RYR3: variants seen among roughly 807,000 people sequenced by gnomAD.
RYR3 encodes the protein brain ryanodine receptor-calcium release channel.
Under a neutral mutation model 584.3 loss-of-function variants are expected in RYR3, and 207 were observed. That is an observed-to-expected ratio of 0.35 (90% CI 0.32 to 0.40). The LOEUF is 0.40. Ranked by LOEUF, RYR3 falls within the 10% of genes least tolerant of loss-of-function variation. The pLI is 1.00. For missense variants in RYR3, 5,616 were observed against 6,089.2 expected, an observed-to-expected ratio of 0.92 and a Z score of 2.59; for synonymous variants, 2,416 against 2,248.5, an observed-to-expected ratio of 1.07 and a Z score of -2.11.
chr15:33,847,201 A>C (rs1418844202), intron 93 of RYR3: 3 of 152,248 alleles, frequency 2.0e-5, no homozygotes, highest in Non-Finnish European at 2.9e-5. Context: ...CACAGTGTGC[A>C]GTGGCTACTA....
intron 32 of RYR3, among the ~76,000 whole-genome samples, chr15:33,658,723 G>A (rs1238171358): frequency 6.6e-6 from 1 of 152,200 alleles, no homozygotes; most frequent in African/African-American, 2.4e-5. Flanking sequence ...AAACACTTTA[G>A]TAATATGGAA....
intron 1 of RYR3, among the ~76,000 whole-genome samples, chr15:33,435,690 T>C (rs887903803): frequency 2.0e-5 from 3 of 152,180 alleles, no homozygotes; most frequent in Admixed American, 1.3e-4. Flanking sequence ...AAAGGTGGCA[T>C]GTCCGGAGTT....
intron 1 of RYR3, among the ~76,000 whole-genome samples, chr15:33,355,182 CAAA>C (rs56127912): frequency 1.3e-4 from 17 of 126,090 alleles, no homozygotes; most frequent in African/African-American, 4.7e-4. Flanking sequence ...GAAACTCCCT[CAAA>C]AAAAAAAAAA....
chr15:33,402,369 T>A (rs771416259), intron 1 of RYR3, among the ~76,000 whole-genome samples: 1 of 152,156 alleles, frequency 6.6e-6, no homozygotes, highest in Non-Finnish European at 1.5e-5. Flanking sequence ...GGCAATGGAA[T>A]TTGAGTCTCC....
In RYR3 at chr15:33,857,861, A is replaced by G. The variant is rs1489116400; in HGVS notation, c.14089A>G (p.Asn4697Asp). 1.2e-6 allele frequency: 2 copies of G among 1,614,232 alleles called. No homozygotes were observed. Among genetic ancestry groups the G allele is most frequent in the Non-Finnish European group, 1.7e-6 (2 of 1,180,046 alleles). ...VAFNFFRKFYNKSEDDDEPDM... is the reference protein window; with the variant it reads ...VAFNFFRKFYDKSEDDDEPDM... Reference sequence around the variant, plus strand: ...TTTCAACTTCTTCCGCAAGTTCTACAACAAAAGCGAAGACGATGACGAGCC... The same window carrying G: ...TTTCAACTTCTTCCGCAAGTTCTACGACAAAAGCGAAGACGATGACGAGCC... Residue 4697 changes from asparagine to aspartate, a missense_variant, in exon 99 of 104, where the codon AAC becomes GAC. Transcript: ENST00000634891.
At chr15:33,435,555 T>C (rs2045623610) in intron 1 of RYR3, among the ~76,000 whole-genome samples, 2 of 152,212 alleles carry the variant, frequency 1.3e-5, no homozygotes, top group Non-Finnish European at 2.9e-5. Context: ...ACAAATGAAA[T>C]TGATGGGTCA....
chr15:33,569,638 G>A (rs2057912607), intron 12 of RYR3, among the ~76,000 whole-genome samples: 1 of 152,048 alleles, frequency 6.6e-6, no homozygotes, highest in Admixed American at 6.6e-5. Flanking sequence ...TTATTCAATT[G>A]GGTATGTTTC....
Position 33,603,514 on chromosome 15 carries a change from T to A in RYR3, c.2164+150T>A, listed in dbSNP as rs1273883185. The A allele has an allele frequency of 6.8e-6, 6 of 882,234 alleles. No individual in the cohort carries two copies. The East Asian group carries it at 1.2e-4, about 18-fold the overall frequency. 54.7% of individuals were successfully genotyped at this position (882,234 alleles called of 1,614,324 possible). ...CGGTTAGGTGGAAAAGAGTATCAGA[T>A]TAAAATAAGACTCATTTATACCATT... On this transcript the variant is annotated intron_variant, in intron 18 of 103. Transcript: ENST00000634891.
intron 86 of RYR3, among the ~76,000 whole-genome samples, chr15:33,833,002 CAAAA>C (rs66477732): frequency 8.0e-5 from 9 of 112,630 alleles, no homozygotes; most frequent in African/African-American, 1.3e-4. Flanking sequence ...AACTCTGTCT[CAAAA>C]AAAAAAAAAA....
chr15:33,762,961 C>T (rs939161724), intron 60 of RYR3, among the ~76,000 whole-genome samples: 1 of 152,170 alleles, frequency 6.6e-6, no homozygotes, highest in Non-Finnish European at 1.5e-5. Context: ...AGAAATAACA[C>T]CACACATCTA....
At chr15:33,443,258 CA>C (rs5811759) in intron 1 of RYR3, among the ~76,000 whole-genome samples, 88,618 of 137,080 alleles carry the variant, frequency 0.65, 27,206 homozygotes, top group African/African-American at 0.78. Flanking sequence ...GACTCCACCT[CA>C]AAAAAAAAAA....
chr15:33,346,090 A>G (rs1445717195), intron 1 of RYR3, among the ~76,000 whole-genome samples: 1 of 152,154 alleles, frequency 6.6e-6, no homozygotes, highest in Non-Finnish European at 1.5e-5. Context: ...ATTTTTTCCT[A>G]TTTTTAAAAC....
chr15:33,825,696 G>GA lies in RYR3; in HGVS notation c.11146+22dup, dbSNP rs747982619. The GA allele has an allele frequency of 8.8e-7, 1 of 1,131,150 alleles. No individual in the cohort carries two copies. The highest frequency in any genetic ancestry group is 1.3e-5 in the South Asian group (1 of 77,990). The allele number at this position is 1,131,150 out of a possible 1,614,324, so 70.1% of individuals were successfully genotyped here. ...GAACACGTAAGTAACTAATGAATGT[G>GA]AAGGCCATTCTCTTCCTGATTAAAA... On this transcript the variant is annotated intron_variant, in intron 82 of 103. Coordinates refer to ENST00000634891, the MANE Select transcript of RYR3 (RefSeq NM_001036.6).
intron 68 of RYR3, 60 bp downstream of exon 68, chr15:33,800,917 ACTGTTGATG>A: frequency 8.2e-7 from 1 of 1,223,078 alleles, no homozygotes; most frequent in Admixed American, 1.7e-5. Flanking sequence ...ACCGTGGAAA[ACTGTTGATG>A]AAAAAAAGCC....
intron 87 of RYR3, among the ~76,000 whole-genome samples, chr15:33,835,598 C>A (rs1292221307): frequency 6.6e-6 from 1 of 152,156 alleles, no homozygotes; most frequent in African/African-American, 2.4e-5. Context: ...CAGTTTATTG[C>A]CTCTCTCCAT....
chr15:33,651,828 C>T (rs920220233), intron 31 of RYR3, among the ~76,000 whole-genome samples: 1 of 152,130 alleles, frequency 6.6e-6, no homozygotes, highest in African/African-American at 2.4e-5. Flanking sequence ...CATGTCATGT[C>T]ACTTCAAGGG....
chr15:33,810,313 C>T (rs16958081), intron 70 of RYR3, among the ~76,000 whole-genome samples, 166 bp from the exon 71 acceptor site: 10,090 of 152,238 alleles, frequency 0.066, 699 homozygotes, highest in East Asian at 0.21. Flanking sequence ...TTGATGGCTA[C>T]CTAATTCGTC....
At chr15:33,643,953 C>G (rs1312127126) in intron 27 of RYR3, among the ~76,000 whole-genome samples, 1 of 152,084 alleles carries the variant, frequency 6.6e-6, no homozygotes, top group Non-Finnish European at 1.5e-5. Flanking sequence ...TTTCCCAGGG[C>G]CTGAGATCAA....
At chr15:33,489,539 C>T (rs1289137840) in intron 2 of RYR3, among the ~76,000 whole-genome samples, 5 of 152,192 alleles carry the variant, frequency 3.3e-5, no homozygotes, top group Non-Finnish European at 5.9e-5. Context: ...GACGTAACAT[C>T]GCTCTTTTTT....
Sources: allele counts gnomAD v4.1 joint callset (sites outside exome capture counted in the v4.1 genomes callset), GRCh38; gene constraint gnomAD v4.1.1; transcripts MANE v1.5; gene names NCBI Gene and HGNC (gene_info 2026-07-23, HGNC 2026-07-21).